LETM2: variants seen among roughly 807,000 people sequenced by gnomAD.
The protein encoded by LETM2 is leucine zipper and EF-hand containing transmembrane protein 2, also known as LETM1 domain-containing protein LETM2, mitochondrial.
Under a neutral mutation model 59.6 loss-of-function variants are expected in LETM2, and 58 were observed. The ratio of observed to expected loss-of-function variants is 0.97; its 90% CI spans 0.79 to 1.21. The LOEUF (loss-of-function observed/expected upper bound fraction) is 1.21. Among genes scored for constraint, LETM2 ranks in the 50% most tolerant of loss-of-function variants. LETM2 has a pLI of 0.00. For synonymous variants in LETM2, 199 were observed against 214.1 expected (o/e 0.93, Z 0.62); for missense variants, 572 against 575.7 (o/e 0.99, Z 0.07).
intron 1 of LETM2, 99 bp downstream of exon 1, chr8:38,386,667 TCAGAGCATGATC>T (rs1719082169): frequency 6.6e-6 from 1 of 152,398 alleles, no homozygotes; most frequent in African/African-American, 2.4e-5. Flanking sequence ...GCTCCTCTCA[TCAGAGCATGATC>T]CAGGCTTCTG....
chr8:38,402,721 C>T, intron 7 of LETM2, 77 bp downstream of exon 7: 3 of 1,465,120 alleles, frequency 2.0e-6, no homozygotes, highest in Non-Finnish European at 2.9e-6. Flanking sequence ...TATGTGATTT[C>T]TCCTTTGCAA....
intron 4 of LETM2, among the ~76,000 whole-genome samples, chr8:38,395,263 T>C (rs774505107): frequency 1.3e-5 from 2 of 152,380 alleles, no homozygotes; most frequent in African/African-American, 2.4e-5. Flanking sequence ...GTGGATCATA[T>C]GGTAAGACTA....
upstream of LETM2, among the ~76,000 whole-genome samples, chr8:38,384,004 G>A (rs996367190): frequency 2.0e-5 from 3 of 151,664 alleles, no homozygotes; most frequent in Non-Finnish European, 4.4e-5. Flanking sequence ...AGTACCACAA[G>A]TTACAGCTAT....
intron 8 of LETM2, chr8:38,404,979 C>G (rs1277051739): frequency 9.7e-6 from 1 of 103,258 alleles, no homozygotes; most frequent in Non-Finnish European, 2.4e-5. Context: ...CCGTCTCAAA[C>G]AAAACAAAAC....
rs770273684 is a variant in LETM2 at position 38,401,104 on chromosome 8, C to T, written c.984+51C>T. 5.4e-5 allele frequency: 76 copies of T among 1,410,726 alleles called. 2 individuals carry two copies. The highest frequency in any genetic ancestry group is 4.8e-4 in the Middle Eastern group (2 of 4,186). The allele number at this position is 1,410,726 out of a possible 1,614,324, so 87.4% of individuals were successfully genotyped here. The stretch of plus-strand genomic sequence containing the variant: ...GAATTAGCAAGGTTTTGGGACATAC[C>T]TTAGGGTGCCTGTGGGATGAAGTGT... On this transcript the variant is annotated intron_variant, in intron 6 of 10. Transcript: ENST00000379957.
chr8:38,388,068 C>T, intron 2 of LETM2, 38 bp downstream of exon 2: 1 of 1,209,630 alleles, frequency 8.3e-7, no homozygotes, highest in Non-Finnish European at 1.1e-6. Flanking sequence ...GAACGTAATT[C>T]TTCTTCTTCT....
chr8:38,386,558 C>G lies in LETM2; in HGVS notation c.-45C>G, dbSNP rs576862951. 2 of 152,192 alleles carry G rather than the reference C, an allele frequency of 1.3e-5. No individual in the cohort carries two copies. The highest frequency in any genetic ancestry group is 2.9e-5 in the Non-Finnish European group (2 of 68,060). 9.4% of individuals were successfully genotyped at this position (152,192 alleles called of 1,614,324 possible). On this transcript the variant is annotated 5_prime_UTR_variant, in exon 1 of 11. Transcript: ENST00000379957. ...ACCTAGGCGGCCGTTCCGCGGAGCC[C>G]GGCCGAGGAGGTAGGGGTGGGCAGG...
chr8:38,408,186 C>T (rs766107121), intron 10 of LETM2, 26 bp from the exon 11 acceptor site: 9 of 1,601,742 alleles, frequency 5.6e-6, no homozygotes, highest in Non-Finnish European at 7.7e-6. Context: ...TGACTAATGC[C>T]TACAGTCCTT....
At chr8:38,407,821 A>C (rs934763207) in intron 10 of LETM2, among the ~76,000 whole-genome samples, 2 of 152,220 alleles carry the variant, frequency 1.3e-5, no homozygotes, top group African/African-American at 4.8e-5. Flanking sequence ...TTCCAGAGAA[A>C]TGCATGTAAA....
intron 2 of LETM2, among the ~76,000 whole-genome samples, chr8:38,391,041 T>C (rs917461207): frequency 2.6e-5 from 4 of 151,778 alleles, no homozygotes; most frequent in African/African-American, 9.7e-5. Context: ...ATAATGAATA[T>C]TGCATATGCA....
Position 38,406,980 on chromosome 8 carries a change from CT to C in LETM2, c.1256del (p.Phe419SerfsTer15). The part of the protein sequence containing the change: ...PKTDILVELP[T>X]FTESKENMVD... The stretch of plus-strand genomic sequence containing the variant: ...ACTGATATTCTTGTGGAATTACCTA[CT>C]TTCACTGAATCTAAAGAGAACATGG... On this transcript the variant is annotated frameshift_variant, in exon 9 of 11. Coordinates refer to ENST00000379957, the MANE Select transcript of LETM2 (RefSeq NM_001286819.2). LOFTEE classifies it high-confidence loss of function. 6.2e-7 allele frequency: 1 copy of C among 1,611,950 alleles called. No individual in the cohort carries two copies. The highest frequency in any genetic ancestry group is 8.5e-7 in the Non-Finnish European group (1 of 1,178,052).
Position 38,404,516 on chromosome 8 carries a change from T to G in LETM2, c.1218+10T>G. On this transcript the variant is annotated intron_variant, in intron 8 of 10. Transcript: ENST00000379957. ...ACCACTCAGTGGGGAGGTGAGTACC[T>G]GGGTTAATGGGGACCCTCGACGTCC... 6.4e-7 allele frequency: 1 copy of G among 1,555,002 alleles called. No homozygotes were observed.
At chr8:38,386,245 C>T (rs1811768904), upstream of LETM2, 1 of 152,246 alleles carries the variant, frequency 6.6e-6, no homozygotes, top group African/African-American at 2.4e-5. Context: ...GGGCGTTAGC[C>T]ACTGCCTGCG....
intron 8 of LETM2, among the ~76,000 whole-genome samples, chr8:38,406,158 T>A (rs1813698554): frequency 6.6e-6 from 1 of 152,202 alleles, no homozygotes; most frequent in Admixed American, 6.5e-5. Context: ...CCCATTCTTA[T>A]CGTTATCTAT....
At chr8:38,406,872 T>A (rs920437165) in intron 8 of LETM2, 74 bp from the exon 9 acceptor site, 79 of 918,610 alleles carry the variant, frequency 8.6e-5, no homozygotes, top group Middle Eastern at 2.2e-4. Context: ...AAAAAAGGCA[T>A]TGACTACTGT....
At chr8:38,388,434 C>G (rs1000944339) in intron 2 of LETM2, among the ~76,000 whole-genome samples, 91 of 150,280 alleles carry the variant, frequency 6.1e-4, no homozygotes, top group African/African-American at 2.2e-3. Flanking sequence ...TTAAAAGTTT[C>G]TTGGAGGCTG....
At chr8:38,396,981 T>A (rs1289969763) in intron 4 of LETM2, 1 of 388,458 alleles carries the variant, frequency 2.6e-6, no homozygotes, top group Admixed American at 3.6e-5. Flanking sequence ...ACAGTAGGTA[T>A]GATTTAGTCA....
intron 3 of LETM2, 152 bp downstream of exon 3, chr8:38,393,147 A>T: frequency 3.1e-6 from 2 of 638,536 alleles, no homozygotes. Flanking sequence ...TCTGCAACCG[A>T]CTTACTGTAC....
intron 4 of LETM2, among the ~76,000 whole-genome samples, chr8:38,399,826 A>G (rs947593322): frequency 1.7e-4 from 25 of 151,410 alleles, no homozygotes; most frequent in African/African-American, 5.8e-4. Flanking sequence ...CACACCTGTA[A>G]TCCCAGCTAT....
Sources: allele counts gnomAD v4.1 joint callset (sites outside exome capture counted in the v4.1 genomes callset), GRCh38; gene constraint gnomAD v4.1.1; transcripts MANE v1.5; gene names NCBI Gene and HGNC (gene_info 2026-07-23, HGNC 2026-07-21).